CAP1: variants seen among roughly 807,000 people sequenced by gnomAD.
CAP1 encodes adenylyl cyclase-associated protein 1.
In CAP1, 11 loss-of-function variants were observed where a neutral mutation model predicts 58.2. The observed-to-expected ratio is 0.19, with a 90% CI of 0.12 to 0.31. The LOEUF is 0.31. Ranked by LOEUF, CAP1 falls within the 10% of genes least tolerant of loss-of-function variation. The probability of loss-of-function intolerance (pLI) is 1.00; values close to 1 mark genes in which losing one functional copy is unlikely to be tolerated. For synonymous variants in CAP1, 183 were observed against 213.8 expected (o/e 0.86, Z 1.26); for missense variants, 423 against 587.5 (o/e 0.72, Z 2.89).
intron 1 of CAP1, among the ~76,000 whole-genome samples, chr1:40,047,092 A>G (rs538303716): frequency 1.8e-4 from 25 of 136,470 alleles, no homozygotes; most frequent in Non-Finnish European, 3.3e-4. Flanking sequence ...GTACAGTAAA[A>G]ATAGGGTATT....
intron 1 of CAP1, among the ~76,000 whole-genome samples, chr1:40,046,877 ATTC>A (rs1320896513): frequency 2.0e-5 from 3 of 151,910 alleles, no homozygotes; most frequent in African/African-American, 7.2e-5. Context: ...GGTTCAAGCA[ATTC>A]TTCTGCCTCA....
In CAP1 at chr1:40,061,717, G is replaced by A; in HGVS notation, c.217-18G>A. On this transcript the variant is annotated intron_variant, in intron 3 of 12. Coordinates refer to ENST00000372805, the MANE Select transcript of CAP1 (RefSeq NM_006367.4). ...TAGTTATAATGTGTCATCAATAGCT[G>A]ATTCTTCTTTCTGGCAGGCGGAGAT... 1 of 1,609,352 alleles carries A rather than the reference G, an allele frequency of 6.2e-7. No individual in the cohort carries two copies. The highest frequency in any genetic ancestry group is 8.5e-7 in the Non-Finnish European group (1 of 1,175,688).
At chr1:40,040,364 G>C (rs1645755960), upstream of CAP1, 1 of 152,268 alleles carries the variant, frequency 6.6e-6, no homozygotes, top group Non-Finnish European at 1.5e-5. Context: ...CTGCCATTGA[G>C]ACCAAACTGA....
At position 40,040,786 on chromosome 1, in the gene CAP1, G is replaced by C. The variant is rs1645777295; in HGVS notation, c.-26G>C. On this transcript the variant is annotated 5_prime_UTR_variant, in exon 1 of 13. Coordinates refer to ENST00000372805, the MANE Select transcript of CAP1 (RefSeq NM_006367.4). ...GAGCGGCTGATCGCAGTCCGGAGGT[G>C]AGGCGGAACTCTGAGGTGAGGGTGT... 6.5e-6 allele frequency: 1 copy of C among 153,172 alleles called. No homozygotes were observed. The highest frequency in any genetic ancestry group is 2.4e-5 in the African/African-American group (1 of 41,478). The allele number at this position is 153,172 out of a possible 1,614,324, so 9.5% of individuals were successfully genotyped here. A position where few individuals can be genotyped will look rare whatever the true frequency, so the allele number is the denominator to read the frequency against.
chr1:40,069,895 C>G, intron 9 of CAP1, 21 bp downstream of exon 9: 1 of 1,525,776 alleles, frequency 6.6e-7, no homozygotes, highest in African/African-American at 1.4e-5. Context: ...AATACCTAGA[C>G]AGGGGCAGGT....
intron 6 of CAP1, among the ~76,000 whole-genome samples, chr1:40,065,093 A>G (rs1158951825): frequency 2.0e-5 from 3 of 152,144 alleles, no homozygotes; most frequent in Non-Finnish European, 4.4e-5. Flanking sequence ...TAGTCTTCTG[A>G]TCCTTACCCT....
chr1:40,068,823 TA>T (rs1484915952), intron 8 of CAP1, among the ~76,000 whole-genome samples: 1 of 111,140 alleles, frequency 9.0e-6, no homozygotes, highest in Non-Finnish European at 2.3e-5. Context: ...TTTTTACTTT[TA>T]TTTTTTATTT....
intron 1 of CAP1, among the ~76,000 whole-genome samples, chr1:40,048,703 A>G (rs1206259016): frequency 6.6e-6 from 1 of 152,202 alleles, no homozygotes; most frequent in Non-Finnish European, 1.5e-5. Flanking sequence ...TCATTTAGCT[A>G]TTCCCCTATA....
chr1:40,058,844 G>A (rs1272702903), intron 1 of CAP1, among the ~76,000 whole-genome samples: 1 of 152,180 alleles, frequency 6.6e-6, no homozygotes. Context: ...AGAAGGATCA[G>A]ATAAGGATAT....
Position 40,066,247 on chromosome 1 carries a change from A to T in CAP1, c.557A>T (p.Tyr186Phe). Reference sequence around the variant, plus strand: ...AAGCATGTAGACTGGGTCAAAGCTTATTTAAGTATATGGACAGAGCTGCAG... The same window carrying T: ...AAGCATGTAGACTGGGTCAAAGCTTTTTTAAGTATATGGACAGAGCTGCAG... Reference protein sequence around the residue: ...DKKHVDWVKAYLSIWTELQAY... With the variant: ...DKKHVDWVKAFLSIWTELQAY... Residue 186 changes from tyrosine (Y) to phenylalanine (F), a missense_variant, in exon 7 of 13, where the codon TAT becomes TTT. Transcript: ENST00000372805. 1 of 1,610,096 alleles carries T rather than the reference A, an allele frequency of 6.2e-7. No homozygotes were observed. The highest frequency in any genetic ancestry group is 8.5e-7 in the Non-Finnish European group (1 of 1,177,278).
intron 1 of CAP1, among the ~76,000 whole-genome samples, chr1:40,042,700 G>A (rs1472072734): frequency 6.6e-6 from 1 of 152,150 alleles, no homozygotes; most frequent in Non-Finnish European, 1.5e-5. Context: ...ATTTCAGAAA[G>A]TTCATTCTGT....
At chr1:40,045,481 C>G (rs1018540649) in intron 1 of CAP1, among the ~76,000 whole-genome samples, 1 of 152,182 alleles carries the variant, frequency 6.6e-6, no homozygotes, top group Middle Eastern at 3.2e-3. Context: ...TGATTGCAAC[C>G]TCCAACTTTT....
intron 8 of CAP1, among the ~76,000 whole-genome samples, chr1:40,067,945 G>A (rs995935434): frequency 6.6e-6 from 1 of 152,258 alleles, no homozygotes; most frequent in Non-Finnish European, 1.5e-5. Context: ...ATATTAGGTA[G>A]CATATATAGA....
chr1:40,056,915 A>C (rs16826830), intron 1 of CAP1, among the ~76,000 whole-genome samples: 25 of 151,900 alleles, frequency 1.6e-4, no homozygotes, highest in East Asian at 1.5e-3. Flanking sequence ...AGCAAAAAAA[A>C]CAGTTTCTGT....
At chr1:40,045,876 C>G (rs963426284) in intron 1 of CAP1, among the ~76,000 whole-genome samples, 5 of 151,980 alleles carry the variant, frequency 3.3e-5, no homozygotes, top group African/African-American at 1.2e-4. Flanking sequence ...TTTTCAGAGA[C>G]AGGGTCTTGC....
At chr1:40,066,729 C>T (rs748290499) in intron 7 of CAP1, among the ~76,000 whole-genome samples, 14 of 152,168 alleles carry the variant, frequency 9.2e-5, no homozygotes, top group Non-Finnish European at 1.8e-4. Context: ...AGAGATTGTA[C>T]TTTGAAGGTA....
intron 1 of CAP1, among the ~76,000 whole-genome samples, chr1:40,048,057 T>C (rs1399433402): frequency 6.6e-6 from 1 of 152,102 alleles, no homozygotes; most frequent in African/African-American, 2.4e-5. Flanking sequence ...CATCTTTTTT[T>C]TTTTTTTGAG....
chr1:40,054,271 A>G (rs758316324), intron 1 of CAP1, among the ~76,000 whole-genome samples: 6 of 149,780 alleles, frequency 4.0e-5, no homozygotes, highest in Non-Finnish European at 8.9e-5. Context: ...GCTTACTGCA[A>G]CCTCCACCTC....
In CAP1 at chr1:40,071,535, C is replaced by T. The variant is rs777378618; in HGVS notation, c.*2C>T. On this transcript the variant is annotated 3_prime_UTR_variant, in exon 13 of 13. Coordinates refer to ENST00000372805, the MANE Select transcript of CAP1 (RefSeq NM_006367.4). Reference sequence around the variant, plus strand: ...ACAGTGACAGAAATTGCTGGATAAGCGAAGTGCCACTGGGTTCTTTGCCCT... The same window carrying T: ...ACAGTGACAGAAATTGCTGGATAAGTGAAGTGCCACTGGGTTCTTTGCCCT... The T allele has an allele frequency of 8.1e-6, 13 of 1,603,442 alleles. No homozygotes were observed. The highest frequency in any genetic ancestry group is 4.0e-5 in the African/African-American group (3 of 74,748).
Sources: allele counts gnomAD v4.1 joint callset (sites outside exome capture counted in the v4.1 genomes callset), GRCh38; gene constraint gnomAD v4.1.1; transcripts MANE v1.5; gene names NCBI Gene and HGNC (gene_info 2026-07-23, HGNC 2026-07-21).